GMDS: variants seen among roughly 807,000 people sequenced by gnomAD.
GMDS encodes the protein GDP-mannose 4,6-dehydratase.
A neutral mutation model predicts 49.9 loss-of-function variants in GMDS; 20 were observed. The observed-to-expected ratio is 0.40, with a 90% CI of 0.28 to 0.58. The LOEUF (loss-of-function observed/expected upper bound fraction) is 0.58, where lower values mean the gene tolerates loss of function less well. Ranked by LOEUF, GMDS falls within the 20% of genes least tolerant of loss-of-function variation. The pLI, the probability that GMDS is intolerant of heterozygous loss-of-function variation, is 0.42. For missense variants in GMDS, 362 were observed against 481.4 expected, an observed-to-expected ratio of 0.75 and a Z score of 2.32; for synonymous variants, 177 against 178.6, an observed-to-expected ratio of 0.99 and a Z score of 0.07.
At chr6:1,781,313 C>A (rs1021067200) in intron 7 of GMDS, among the ~76,000 whole-genome samples, 1 of 152,188 alleles carries the variant, frequency 6.6e-6, no homozygotes, top group African/African-American at 2.4e-5. Flanking sequence ...GGGCTGTGTT[C>A]CTGCTGCTGC....
chr6:2,030,308 G>A (rs1363098787), intron 4 of GMDS, among the ~76,000 whole-genome samples: 1 of 152,204 alleles, frequency 6.6e-6, no homozygotes, highest in Non-Finnish European at 1.5e-5. Context: ...AATTTGTGAT[G>A]CTGGAGAGCC....
rs1027589235 is a variant in GMDS at position 1,852,855 on chromosome 6, C to T, written c.771+77248G>A. ...CTGAGTAGCTGGGATTTCAGGCATG[C>T]GCCACCACGCCCGGCTAATTTTGTA... On this transcript the variant is annotated intron_variant, in intron 7 of 10. Transcript: ENST00000380815. Among the ~76,000 whole-genome samples, 25 of 151,882 alleles carry T rather than the reference C, an allele frequency of 1.6e-4. 1 individual carries two copies. The highest frequency in any genetic ancestry group is 1.5e-3 in the Admixed American group (23 of 15,252).
intron 1 of GMDS, among the ~76,000 whole-genome samples, chr6:2,216,922 G>A (rs189690206): frequency 2.0e-4 from 31 of 152,120 alleles, no homozygotes; most frequent in African/African-American, 6.3e-4. Context: ...GGCTCCTCAC[G>A]GAAAGGGAGC....
At chr6:1,840,950 C>T (rs1048444600) in intron 7 of GMDS, among the ~76,000 whole-genome samples, 18 of 152,144 alleles carry the variant, frequency 1.2e-4, no homozygotes, top group South Asian at 2.1e-4. Flanking sequence ...ACACTGTACA[C>T]GTAATGCAAG....
intron 7 of GMDS, among the ~76,000 whole-genome samples, chr6:1,909,855 G>A (rs1025570754): frequency 5.9e-5 from 9 of 152,106 alleles, no homozygotes; most frequent in African/African-American, 1.2e-4. Context: ...TTTTCTCACC[G>A]CTGCCCCTCT....
At chr6:1,733,555 G>A (rs755894331) in intron 8 of GMDS, among the ~76,000 whole-genome samples, 1 of 152,224 alleles carries the variant, frequency 6.6e-6, no homozygotes, top group Non-Finnish European at 1.5e-5. Flanking sequence ...AGTGGCTCAT[G>A]CCTGTAATCC....
chr6:2,144,451 G>C (rs1776453097), intron 1 of GMDS, among the ~76,000 whole-genome samples: 1 of 152,218 alleles, frequency 6.6e-6, no homozygotes, highest in African/African-American at 2.4e-5. Flanking sequence ...AGGCGGGGCA[G>C]GGTGAACAGG....
intron 7 of GMDS, among the ~76,000 whole-genome samples, chr6:1,902,671 G>A (rs1056324329): frequency 1.3e-5 from 2 of 152,088 alleles, no homozygotes; most frequent in African/African-American, 4.8e-5. Context: ...TATATATGAC[G>A]ACTCACAATG....
chr6:2,230,349 T>TA (rs1781030921), intron 1 of GMDS, among the ~76,000 whole-genome samples: 1 of 152,222 alleles, frequency 6.6e-6, no homozygotes, highest in South Asian at 2.1e-4. Flanking sequence ...CCATAAAGGT[T>TA]AAGTGATCTC....
At chr6:2,151,908 T>G (rs551173736) in intron 1 of GMDS, among the ~76,000 whole-genome samples, 1 of 152,156 alleles carries the variant, frequency 6.6e-6, no homozygotes, top group Non-Finnish European at 1.5e-5. Context: ...TATTTTTAAA[T>G]GTACCCCTTA....
At chr6:1,986,323 T>C (rs1250906788) in intron 4 of GMDS, among the ~76,000 whole-genome samples, 1 of 152,114 alleles carries the variant, frequency 6.6e-6, no homozygotes, top group Non-Finnish European at 1.5e-5. Context: ...ACAAGTATAA[T>C]ACGAAAACAG....
At chr6:2,164,106 C>T (rs1417266197) in intron 1 of GMDS, among the ~76,000 whole-genome samples, 2 of 152,184 alleles carry the variant, frequency 1.3e-5, no homozygotes, top group African/African-American at 4.8e-5. Context: ...ATGGTTCAGC[C>T]AACCCAACGT....
intron 9 of GMDS, among the ~76,000 whole-genome samples, chr6:1,627,720 T>G (rs1762885011): frequency 6.6e-6 from 1 of 152,194 alleles, no homozygotes; most frequent in Non-Finnish European, 1.5e-5. Flanking sequence ...AGTGATGATT[T>G]TATGTACAGC....
chr6:2,219,336 T>C (rs562738704), intron 1 of GMDS, among the ~76,000 whole-genome samples: 1 of 152,308 alleles, frequency 6.6e-6, no homozygotes, highest in African/African-American at 2.4e-5. Context: ...CCAGTTTGGC[T>C]GAAGAGCATG....
At chr6:2,121,279 A>T (rs187406937) in intron 2 of GMDS, among the ~76,000 whole-genome samples, 5 of 152,350 alleles carry the variant, frequency 3.3e-5, no homozygotes, top group Admixed American at 2.0e-4. Flanking sequence ...TTAAGTGTAT[A>T]GCATAATCAA....
At chr6:2,107,785 ATTC>A (rs1470951846) in intron 4 of GMDS, among the ~76,000 whole-genome samples, 1 of 152,242 alleles carries the variant, frequency 6.6e-6, no homozygotes, top group African/African-American at 2.4e-5. Flanking sequence ...AAGAGAGCTA[ATTC>A]TTCTAGACAC....
At chr6:2,113,313 C>T (rs1356405312) in intron 4 of GMDS, among the ~76,000 whole-genome samples, 2 of 151,978 alleles carry the variant, frequency 1.3e-5, no homozygotes, top group Admixed American at 6.6e-5. Flanking sequence ...CTAGTGACAC[C>T]ATCCTCATCC....
intron 9 of GMDS, among the ~76,000 whole-genome samples, chr6:1,659,309 A>G (rs2814826): frequency 1 from 152,013 of 152,062 alleles, 75,982 homozygotes; most frequent in Middle Eastern, 1. Context: ...ACTTTACCAC[A>G]TTGTGCAAGC....
At chr6:2,239,035 A>C (rs546476427) in intron 1 of GMDS, among the ~76,000 whole-genome samples, 1 of 152,334 alleles carries the variant, frequency 6.6e-6, no homozygotes, top group East Asian at 1.9e-4. Context: ...CATTTAAAAA[A>C]AAAACTATCC....
Sources: allele counts gnomAD v4.1 joint callset (sites outside exome capture counted in the v4.1 genomes callset), GRCh38; gene constraint gnomAD v4.1.1; transcripts MANE v1.5; gene names NCBI Gene and HGNC (gene_info 2026-07-23, HGNC 2026-07-21).